Variants in PLXNA4 observed in about 807,000 individuals in gnomAD.
PLXNA4 encodes the protein plexin A4, also known as plexin-A4.
Under a neutral mutation model 191.8 loss-of-function variants are expected in PLXNA4, and 44 were observed. That is an observed-to-expected ratio of 0.23 (90% confidence interval 0.18 to 0.29). The LOEUF is 0.29. Ranked by LOEUF, PLXNA4 falls within the 10% of genes least tolerant of loss-of-function variation. The pLI, the probability that PLXNA4 is intolerant of heterozygous loss-of-function variation, is 1.00. For missense variants in PLXNA4, 1,800 were observed against 2,488.8 expected (o/e 0.72, Z 5.89); for synonymous variants, 1,082 against 1,009.5 (o/e 1.07, Z -1.36).
intron 2 of PLXNA4, among the ~76,000 whole-genome samples, chr7:132,499,192 G>C (rs1798148332): frequency 6.6e-6 from 1 of 152,226 alleles, no homozygotes; most frequent in Admixed American, 6.5e-5. Context: ...CAGAATCCTA[G>C]GGGTTGAACC....
chr7:132,571,426 G>A lies in PLXNA4; in HGVS notation c.-87+4996C>T, dbSNP rs557945322. Among the ~76,000 whole-genome samples, 9 of 152,286 alleles carry A rather than the reference G, an allele frequency of 5.9e-5. No homozygotes were observed. In the South Asian group the frequency reaches 1.2e-3, roughly 21 times the overall value. On this transcript the variant is annotated intron_variant, in intron 1 of 31. Transcript: ENST00000321063. ...TGAGTCTCTGCTGCAACCACCATAG[G>A]ATCCAGGCACCCAGCACCGCATGAT...
chr7:132,315,986 C>T (rs1387459332), intron 3 of PLXNA4, among the ~76,000 whole-genome samples: 2 of 152,132 alleles, frequency 1.3e-5, no homozygotes, highest in Non-Finnish European at 1.5e-5. Flanking sequence ...TGGGCTTTAA[C>T]CTGTACACAG....
At chr7:132,284,456 T>A (rs927401910) in intron 4 of PLXNA4, among the ~76,000 whole-genome samples, 1 of 152,192 alleles carries the variant, frequency 6.6e-6, no homozygotes, top group Admixed American at 6.5e-5. Context: ...AGCCTGTGGA[T>A]TAAAAGGGGT....
chr7:132,289,324 A>T (rs1223306800), intron 4 of PLXNA4, among the ~76,000 whole-genome samples: 1 of 152,046 alleles, frequency 6.6e-6, no homozygotes, highest in African/African-American at 2.4e-5. Context: ...CACTTAATCC[A>T]CTTGATTTCC....
intron 2 of PLXNA4, among the ~76,000 whole-genome samples, chr7:132,633,121 AG>A (rs35508095): frequency 6.6e-6 from 1 of 152,066 alleles, no homozygotes; most frequent in Non-Finnish European, 1.5e-5. Flanking sequence ...GTCAGTATGT[AG>A]GGGGAGGTGG....
At chr7:132,346,439 G>A (rs1803249629) in intron 3 of PLXNA4, among the ~76,000 whole-genome samples, 2 of 152,170 alleles carry the variant, frequency 1.3e-5, no homozygotes, top group Non-Finnish European at 1.5e-5. Context: ...AGGTTTAGCA[G>A]GTTCCTTATC....
chr7:132,337,268 C>T (rs1451207842), intron 3 of PLXNA4, among the ~76,000 whole-genome samples: 1 of 152,224 alleles, frequency 6.6e-6, no homozygotes, highest in African/African-American at 2.4e-5. Flanking sequence ...ATGTGTGCAG[C>T]TATGTGCAAA....
At chr7:132,488,037 G>A (rs1056028871) in intron 3 of PLXNA4, among the ~76,000 whole-genome samples, 9 of 152,160 alleles carry the variant, frequency 5.9e-5, no homozygotes, top group Non-Finnish European at 1.2e-4. Context: ...CTTCCTCCTG[G>A]GCAGCACCTG....
chr7:132,594,177 G>T (rs900926285), intron 2 of PLXNA4, among the ~76,000 whole-genome samples: 1 of 152,212 alleles, frequency 6.6e-6, no homozygotes, highest in African/African-American at 2.4e-5. Context: ...TTAAGATGAG[G>T]TCATACTGGA....
chr7:132,151,448 A>G (rs1296079055), intron 25 of PLXNA4, among the ~76,000 whole-genome samples: 58 of 14,598 alleles, frequency 4.0e-3, no homozygotes, highest in East Asian at 8.1e-3. Flanking sequence ...AGGAGGAGGA[A>G]GAAGAAGGAG....
At chr7:132,540,299 T>C (rs1420630083) in intron 1 of PLXNA4, among the ~76,000 whole-genome samples, 2 of 152,208 alleles carry the variant, frequency 1.3e-5, no homozygotes, top group Non-Finnish European at 2.9e-5. Flanking sequence ...GCTCAAGTCC[T>C]ACTGTGGATG....
At chr7:132,230,036 G>A (rs1798471623) in intron 5 of PLXNA4, among the ~76,000 whole-genome samples, 3 of 152,168 alleles carry the variant, frequency 2.0e-5, no homozygotes, top group Admixed American at 2.0e-4. Context: ...CACAGGGACA[G>A]AACAAAGGAC....
At chr7:132,355,839 AGGAG>A (rs1803680618) in intron 3 of PLXNA4, among the ~76,000 whole-genome samples, 2 of 152,120 alleles carry the variant, frequency 1.3e-5, no homozygotes, top group Non-Finnish European at 2.9e-5. Flanking sequence ...TGTTTCCAGA[AGGAG>A]GGAGTATTCA....
intron 1 of PLXNA4, among the ~76,000 whole-genome samples, chr7:132,535,283 G>A (rs772051836): frequency 1.3e-5 from 2 of 152,208 alleles, no homozygotes; most frequent in Non-Finnish European, 2.9e-5. Context: ...CCCAATGGAT[G>A]GGGGCACATG....
rs200763664 is a variant in PLXNA4, at chr7:132,133,074, G to A, written c.5564C>T (p.Ser1855Phe). 336 of 1,614,144 alleles carry A rather than the reference G, an allele frequency of 2.1e-4. No individual in the cohort carries two copies. Among genetic ancestry groups the A allele is most frequent in the East Asian group, 1.2e-3 (55 of 44,878 alleles). The change falls in exon 31 of 32, where the codon TCC (serine) becomes TTC (phenylalanine). Residue 1855 changes from serine to phenylalanine, a missense_variant. Transcript: ENST00000321063. ...CTCCTCGCTGTATTTGCCCACATAG[G>A]AGAAGATCTCTGAGAGTGCACTCAT... Reference protein sequence around the residue: ...NTMSALSEIFSYVGKYSEEIL... With the variant: ...NTMSALSEIFFYVGKYSEEIL...
chr7:132,189,000 G>GGA (rs1796988049), intron 14 of PLXNA4, among the ~76,000 whole-genome samples: 1 of 14,770 alleles, frequency 6.8e-5, no homozygotes. Flanking sequence ...AAAGGAGAGA[G>GGA]AGAGAGAGAG....
chr7:132,235,149 TG>T (rs1798654283), intron 5 of PLXNA4, among the ~76,000 whole-genome samples: 1 of 151,930 alleles, frequency 6.6e-6, no homozygotes, highest in Admixed American at 6.6e-5. Context: ...AGGAGAGGAA[TG>T]GAAGGGGAGG....
intron 25 of PLXNA4, among the ~76,000 whole-genome samples, chr7:132,149,989 C>CCTCCAGTCCCTGGGG (rs889098040): frequency 1.3e-5 from 2 of 152,134 alleles, no homozygotes; most frequent in African/African-American, 4.8e-5. Context: ...AAGCCCCTTG[C>CCTCCAGTCCCTGGGG]CTCCAGTCCC....
chr7:132,524,014 C>A (rs762788418), intron 1 of PLXNA4, among the ~76,000 whole-genome samples: 2 of 152,128 alleles, frequency 1.3e-5, no homozygotes, highest in African/African-American at 4.8e-5. Flanking sequence ...GTGTGTTCTG[C>A]GGAAGGCATC....
Sources: gnomAD v4.1 joint callset for allele counts (sites outside exome capture counted in the v4.1 genomes callset) on GRCh38, gnomAD v4.1.1 for gene constraint, MANE v1.5 for transcripts, NCBI Gene and HGNC (gene_info 2026-07-23, HGNC 2026-07-21) for gene names.